DYNC2I1: variants seen among roughly 807,000 people sequenced by gnomAD.
DYNC2I1 encodes dynein 2 intermediate chain 1.
A neutral mutation model predicts 133.4 loss-of-function variants in DYNC2I1; 89 were observed. The observed-to-expected ratio is 0.67, with a 90% confidence interval of 0.56 to 0.80. The LOEUF (loss-of-function observed/expected upper bound fraction) is 0.80, where lower values mean the gene tolerates loss of function less well. DYNC2I1 is among the 30% of genes least tolerant of loss of function. The pLI is 0.00. For synonymous variants in DYNC2I1, 504 were observed against 484.3 expected (o/e 1.04, Z -0.54); for missense variants, 1,291 against 1,314.5 (o/e 0.98, Z 0.28).
chr7:158,926,050 G>T, intron 17 of DYNC2I1, 137 bp from the exon 18 acceptor site: 1 of 675,852 alleles, frequency 1.5e-6, no homozygotes, highest in East Asian at 2.7e-5. Context: ...GTTGGTTTTG[G>T]GGTGTTTTGG....
At chr7:158,870,781 C>T (rs372870888) in intron 2 of DYNC2I1, among the ~76,000 whole-genome samples, 134 of 152,212 alleles carry the variant, frequency 8.8e-4, no homozygotes, top group African/African-American at 3.1e-3. Context: ...CGTTAGTGCT[C>T]CTGACACCCG....
chr7:158,926,291 A>G lies in DYNC2I1; in HGVS notation c.2362A>G (p.Thr788Ala). 1 of 1,611,412 alleles carries G rather than the reference A, an allele frequency of 6.2e-7. No homozygotes were observed. The highest frequency in any genetic ancestry group is 8.5e-7 in the Non-Finnish European group (1 of 1,178,752). Reference sequence around the variant, plus strand: ...GAGCTTTGTGCTTTCACCCTTTTCTACTCAAGAAGGTACGTGATTCTTCAC... The same window carrying G: ...GAGCTTTGTGCTTTCACCCTTTTCTGCTCAAGAAGGTACGTGATTCTTCAC... ...KQSFVLSPFSTQEEMSGLSFH... is the reference protein window; with the variant it reads ...KQSFVLSPFSAQEEMSGLSFH... The change falls in exon 18 of 25, where the codon ACT (threonine) becomes GCT (alanine). Residue 788 changes from threonine (T) to alanine (A), a missense_variant. Physicochemically the swap from Thr to Ala is moderately conservative, Grantham distance 58 (BLOSUM62 0). Coordinates refer to ENST00000407559, the MANE Select transcript of DYNC2I1 (RefSeq NM_018051.5).
At chr7:158,843,079 G>C in the DYNC2I1 span, among the ~76,000 whole-genome samples, 1 of 152,198 alleles carries the variant, frequency 6.6e-6, no homozygotes, top group African/African-American at 2.4e-5. Context: ...GCTCCACCTT[G>C]CTGAAGATTG....
At chr7:158,901,871 T>C (rs1056112674) in intron 9 of DYNC2I1, 55 bp downstream of exon 9, 11 of 1,285,620 alleles carry the variant, frequency 8.6e-6, no homozygotes, top group Non-Finnish European at 1.2e-5. Flanking sequence ...TTCTTAAAAA[T>C]CAGCTTATAT....
chr7:158,913,256 C>T (rs901115833), intron 13 of DYNC2I1, among the ~76,000 whole-genome samples, 160 bp downstream of exon 13: 3 of 152,226 alleles, frequency 2.0e-5, no homozygotes, highest in South Asian at 2.1e-4. Flanking sequence ...TTTAAAGAAA[C>T]GCTAACCAGC....
In DYNC2I1 at chr7:158,917,283, G is replaced by C. The variant is rs987234557; in HGVS notation, c.1792-1457G>C. 9.1e-5 allele frequency among the ~76,000 whole-genome samples: 11 copies of C among 120,700 alleles called. 1 individual carries two copies. Among genetic ancestry groups the C allele is most frequent in the African/African-American group, 3.4e-4 (11 of 32,004 alleles). 79.2% of individuals were successfully genotyped at this position (120,700 alleles called of 152,430 possible). A position where few individuals can be genotyped will look rare whatever the true frequency, so the allele number is the denominator to read the frequency against. On this transcript the variant is annotated intron_variant, in intron 14 of 24. Transcript: ENST00000407559. ...AAGGATGATTGTGAAACGTCGACAT[G>C]CTGGTTGAAATTAAGGATGATTGTG...
chr7:158,908,883 G>C (rs1250343043), intron 11 of DYNC2I1, among the ~76,000 whole-genome samples: 1 of 152,202 alleles, frequency 6.6e-6, no homozygotes, highest in East Asian at 1.9e-4. Flanking sequence ...TCTCTCACCA[G>C]ATGGCCCCAG....
intron 1 of DYNC2I1, among the ~76,000 whole-genome samples, chr7:158,863,210 TGATTAGTGCATTTTTACAGAGTGCC>T (rs1466505570): frequency 6.6e-6 from 1 of 152,014 alleles, no homozygotes; most frequent in Non-Finnish European, 1.5e-5. Flanking sequence ...CACAGAGTGC[TGATTAGTGCATTTTTACAGAGTGCC>T]GATTGGTGCG....
intron 14 of DYNC2I1, among the ~76,000 whole-genome samples, chr7:158,917,693 CACTA>C (rs1288488286): frequency 1.3e-5 from 2 of 150,788 alleles, no homozygotes; most frequent in Non-Finnish European, 2.9e-5. Flanking sequence ...CTCCACCTCT[CACTA>C]AACACCCCCT....
chr7:158,881,139 T>C (rs1402767104), intron 5 of DYNC2I1, among the ~76,000 whole-genome samples: 1 of 152,272 alleles, frequency 6.6e-6, no homozygotes, highest in African/African-American at 2.4e-5. Flanking sequence ...AGAAGCTGCC[T>C]GGCTCCCGGC....
chr7:158,885,383 C>T (rs992399447), intron 6 of DYNC2I1, among the ~76,000 whole-genome samples: 15 of 151,332 alleles, frequency 9.9e-5, no homozygotes, highest in South Asian at 2.1e-4. Flanking sequence ...ACTTTGTTGC[C>T]GAGCCTGGAG....
intron 8 of DYNC2I1, among the ~76,000 whole-genome samples, chr7:158,894,094 G>A (rs1301838903): frequency 1.5e-4 from 1 of 6,698 alleles, no homozygotes; most frequent in Non-Finnish European, 4.5e-4. Context: ...ATACCGTATA[G>A]CAAAGTGCAT....
At chr7:158,840,915 G>A in the DYNC2I1 span, among the ~76,000 whole-genome samples, 95 of 152,198 alleles carry the variant, frequency 6.2e-4, no homozygotes, top group South Asian at 2.3e-3. Context: ...CAATGCCCAC[G>A]GAGGCCACAA....
chr7:158,882,153 C>T (rs769228440), intron 5 of DYNC2I1, among the ~76,000 whole-genome samples: 5 of 152,202 alleles, frequency 3.3e-5, no homozygotes, highest in Non-Finnish European at 7.3e-5. Context: ...ACAAGCTGTT[C>T]CTATCTGAGT....
chr7:158,850,117 G>T, the DYNC2I1 span, among the ~76,000 whole-genome samples: 1 of 152,254 alleles, frequency 6.6e-6, no homozygotes, highest in Non-Finnish European at 1.5e-5. Context: ...CAGAGCTGGG[G>T]AGTGGGGAGG....
At chr7:158,931,298 CAG>C (rs767080920) in intron 21 of DYNC2I1, among the ~76,000 whole-genome samples, 41 of 152,162 alleles carry the variant, frequency 2.7e-4, no homozygotes, top group African/African-American at 6.0e-4. Flanking sequence ...TTACTGCACT[CAG>C]GGGTCAAAAT....
intron 3 of DYNC2I1, among the ~76,000 whole-genome samples, chr7:158,875,464 T>TA (rs1391194245): frequency 1.3e-5 from 2 of 152,238 alleles, no homozygotes; most frequent in Non-Finnish European, 2.9e-5. Flanking sequence ...CCTGATCTTT[T>TA]AAAGTGTCCA....
intron 17 of DYNC2I1, among the ~76,000 whole-genome samples, chr7:158,925,132 G>C (rs761041649): frequency 1.1e-4 from 17 of 152,298 alleles, no homozygotes; most frequent in Non-Finnish European, 2.4e-4. Context: ...TGGAACTTCT[G>C]ATTCAGACCA....
At chr7:158,931,873 G>A (rs955248717) in intron 21 of DYNC2I1, among the ~76,000 whole-genome samples, 29 of 152,186 alleles carry the variant, frequency 1.9e-4, no homozygotes, top group African/African-American at 6.0e-4. Context: ...TGCAGGGGGC[G>A]CTCCCTGCTT....
Sources: gnomAD v4.1 joint callset for allele counts (sites outside exome capture counted in the v4.1 genomes callset) on GRCh38, gnomAD v4.1.1 for gene constraint, MANE v1.5 for transcripts, NCBI Gene and HGNC (gene_info 2026-07-23, HGNC 2026-07-21) for gene names.